The following CNGB1 variants were observed in gnomAD, a reference collection of about 807,000 sequenced individuals.
CNGB1 encodes cyclic nucleotide-gated channel beta-1.
A neutral mutation model predicts 151.7 loss-of-function variants in CNGB1; 126 were observed. That is an observed-to-expected ratio of 0.83 (90% CI 0.72 to 0.96). The LOEUF (loss-of-function observed/expected upper bound fraction) is 0.96, where lower values mean the gene tolerates loss of function less well. Among genes scored for constraint, CNGB1 ranks in the 40% least tolerant of loss-of-function variants. The pLI is 0.00. For missense variants in CNGB1, 1,698 were observed against 1,627.0 expected (o/e 1.04, Z -0.75); for synonymous variants, 623 against 635.1 (o/e 0.98, Z 0.29).
In CNGB1 at chr16:57,917,250, C is replaced by CTGTG; in HGVS notation, c.2166+17_2166+18insCACA. On this transcript the variant is annotated intron_variant, in intron 21 of 32. Coordinates refer to ENST00000251102, the MANE Select transcript of CNGB1 (RefSeq NM_001297.5). ...GGTCTGCCCCCGGTCACCCCAACAC[C>CTGTG]ACCTGCCTGTGACTCACAATGATGT... The CTGTG allele has an allele frequency of 6.2e-7, 1 of 1,606,626 alleles. No individual in the cohort carries two copies. The highest frequency in any genetic ancestry group is 8.5e-7 in the Non-Finnish European group (1 of 1,176,276).
chr16:57,928,273 G>T (rs780499165), intron 17 of CNGB1, among the ~76,000 whole-genome samples: 86 of 152,240 alleles, frequency 5.6e-4, no homozygotes, highest in Non-Finnish European at 1.0e-3. Flanking sequence ...TTGACTAGGA[G>T]TGTCACTCTT....
chr16:57,897,779 C>A lies in CNGB1; in HGVS notation c.3095+17G>T. 2 of 1,612,850 alleles carry A rather than the reference C, an allele frequency of 1.2e-6. No individual in the cohort carries two copies. Among genetic ancestry groups the A allele is most frequent in the East Asian group, 2.2e-5 (1 of 44,878 alleles). On this transcript the variant is annotated intron_variant, in intron 30 of 32. Coordinates refer to ENST00000251102, the MANE Select transcript of CNGB1 (RefSeq NM_001297.5). ...CCCTTGCCCCAGGCCCCTCACTTTA[C>A]CCCAGCTGCGTCTGACCTTATTTCT...
chr16:57,919,281 G>C, intron 19 of CNGB1, 27 bp from the exon 20 acceptor site: 1 of 1,614,008 alleles, frequency 6.2e-7, no homozygotes, highest in East Asian at 2.2e-5. Context: ...GTGACCATCT[G>C]AACCAGCCCT....
chr16:57,960,671 C>T, intron 8 of CNGB1, 141 bp from the exon 9 acceptor site: 1 of 1,296,796 alleles, frequency 7.7e-7, no homozygotes, highest in Non-Finnish European at 1.1e-6. Context: ...TGAATCCCGG[C>T]CCCCTCTCAC....
intron 17 of CNGB1, among the ~76,000 whole-genome samples, chr16:57,929,948 A>T: frequency 6.6e-6 from 1 of 152,194 alleles, no homozygotes; most frequent in Admixed American, 6.5e-5. Context: ...AATAAATAAG[A>T]CAGAAAATAA....
intron 25 of CNGB1, among the ~76,000 whole-genome samples, chr16:57,905,861 C>T (rs547833370): frequency 2.0e-5 from 3 of 152,358 alleles, no homozygotes; most frequent in Admixed American, 6.5e-5. Flanking sequence ...CTTGGACTTC[C>T]CAGCTTCCAG....
intron 12 of CNGB1, among the ~76,000 whole-genome samples, chr16:57,955,549 G>A (rs1442439298): frequency 6.6e-6 from 1 of 152,148 alleles, no homozygotes; most frequent in African/African-American, 2.4e-5. Flanking sequence ...AAAGATAATT[G>A]CAAGTCCTAA....
At chr16:57,954,892 C>T in intron 12 of CNGB1, 1 of 1,034,838 alleles carries the variant, frequency 9.7e-7, no homozygotes, top group Non-Finnish European at 1.2e-6. Context: ...GTCCTCCATC[C>T]ATGGGGCTTT....
In CNGB1 at chr16:57,939,609, G is replaced by A. The variant is rs746026690; in HGVS notation, c.1210-17C>T. 6.2e-7 allele frequency: 1 copy of A among 1,613,986 alleles called. No homozygotes were observed. The highest frequency in any genetic ancestry group is 1.3e-5 in the African/African-American group (1 of 74,916). On this transcript the variant is annotated splice_polypyrimidine_tract_variant and intron_variant, in intron 15 of 32. Coordinates refer to ENST00000251102, the MANE Select transcript of CNGB1 (RefSeq NM_001297.5). ...CCACAGCTTCTGCAGAGAATAAAGT[G>A]AAAACAGAAACTGTGACCATCAGCC...
intron 30 of CNGB1, 23 bp from the exon 31 acceptor site, chr16:57,897,566 G>A: frequency 6.2e-7 from 1 of 1,613,598 alleles, no homozygotes; most frequent in Non-Finnish European, 8.5e-7. Context: ...AGGGAGGAAG[G>A]AGGCCCTTCA....
chr16:57,939,959 G>A (rs576567182), intron 15 of CNGB1, among the ~76,000 whole-genome samples: 4 of 152,224 alleles, frequency 2.6e-5, no homozygotes, highest in Admixed American at 6.5e-5. Context: ...GTGCACAGGT[G>A]GCCACTGGGA....
intron 19 of CNGB1, 114 bp from the exon 20 acceptor site, chr16:57,919,368 C>A: frequency 6.3e-7 from 1 of 1,586,816 alleles, no homozygotes; most frequent in Non-Finnish European, 8.6e-7. Flanking sequence ...ACCCTGGCAC[C>A]ATTATACAAG....
chr16:57,917,212 G>A (rs137942370), intron 21 of CNGB1, 56 bp downstream of exon 21: 1 of 1,449,872 alleles, frequency 6.9e-7, no homozygotes, highest in African/African-American at 1.4e-5. Flanking sequence ...TGCCCTGGAG[G>A]CTCTGGCTGA....
chr16:57,918,055 ATGG>A (rs1217059390), intron 20 of CNGB1, among the ~76,000 whole-genome samples: 3 of 151,740 alleles, frequency 2.0e-5, no homozygotes, highest in Non-Finnish European at 2.9e-5. Flanking sequence ...GGATGGATGG[ATGG>A]ATGGATGGAT....
intron 14 of CNGB1, among the ~76,000 whole-genome samples, chr16:57,943,538 C>T (rs1285584437): frequency 6.6e-6 from 1 of 152,142 alleles, no homozygotes. Context: ...GGCATGGCAG[C>T]ACACTTCTGT....
At chr16:57,939,013 C>G (rs192711635) in intron 16 of CNGB1, among the ~76,000 whole-genome samples, 2 of 152,172 alleles carry the variant, frequency 1.3e-5, no homozygotes, top group Non-Finnish European at 2.9e-5. Flanking sequence ...GATGTCTGAG[C>G]CAAACCCTCA....
intron 21 of CNGB1, 141 bp from the exon 22 acceptor site, chr16:57,916,320 C>T: frequency 3.5e-6 from 3 of 857,020 alleles, no homozygotes; most frequent in Non-Finnish European, 2.0e-6. Flanking sequence ...TGGTGAAAGC[C>T]TTGAGTTTTA....
At chr16:57,901,261 C>T in intron 29 of CNGB1, 91 bp downstream of exon 29, 1 of 1,255,572 alleles carries the variant, frequency 8.0e-7, no homozygotes, top group Non-Finnish European at 1.2e-6. Context: ...TCGCTCTGCC[C>T]TGGGCTGGCA....
chr16:57,960,460 T>G (rs536691353), intron 9 of CNGB1, 22 bp downstream of exon 9: 3 of 1,612,028 alleles, frequency 1.9e-6, no homozygotes, highest in Non-Finnish European at 2.5e-6. Flanking sequence ...GGCAGCCCCC[T>G]CCCGAGCTCC....
Sources: allele counts gnomAD v4.1 joint callset (sites outside exome capture counted in the v4.1 genomes callset), GRCh38; gene constraint gnomAD v4.1.1; transcripts MANE v1.5; gene names NCBI Gene and HGNC (gene_info 2026-07-23, HGNC 2026-07-21).